Variants in TIGAR observed in about 807,000 individuals in gnomAD.
TIGAR encodes TP53 induced glycolysis regulatory phosphatase, also known as fructose-2,6-bisphosphatase TIGAR.
A neutral mutation model predicts 17.9 loss-of-function variants in TIGAR; 7 were observed. That is an observed-to-expected ratio of 0.39 (90% confidence interval 0.22 to 0.73). TIGAR has a LOEUF of 0.73. Ranked by LOEUF, TIGAR falls within the 30% of genes least tolerant of loss-of-function variation. The pLI, the probability that TIGAR is intolerant of heterozygous loss-of-function variation, is 0.42. For synonymous variants in TIGAR, 94 were observed against 108.6 expected, an observed-to-expected ratio of 0.87 and a Z score of 0.84; for missense variants, 258 against 327.4, an observed-to-expected ratio of 0.79 and a Z score of 1.64.
At chr12:4,332,690 GT>G (rs1374827560) in intron 2 of TIGAR, among the ~76,000 whole-genome samples, 1 of 152,146 alleles carries the variant, frequency 6.6e-6, no homozygotes, top group Non-Finnish European at 1.5e-5. Context: ...TGTCAGTATG[GT>G]TTATTTGATG....
chr12:4,324,438 C>T, intron 1 of TIGAR: 1 of 1,522,962 alleles, frequency 6.6e-7, no homozygotes, highest in Non-Finnish European at 9.1e-7. Flanking sequence ...GCTTCACCAG[C>T]TTATAGGTGA....
At chr12:4,344,506 G>C (rs138216166) in intron 3 of TIGAR, among the ~76,000 whole-genome samples, 1 of 152,084 alleles carries the variant, frequency 6.6e-6, no homozygotes, top group Non-Finnish European at 1.5e-5. Context: ...ATCCAGCAGC[G>C]CAACAAAAAG....
At chr12:4,343,375 A>C (rs1591663882) in intron 3 of TIGAR, among the ~76,000 whole-genome samples, 2 of 152,326 alleles carry the variant, frequency 1.3e-5, no homozygotes, top group South Asian at 2.1e-4. Flanking sequence ...ACTCTGCACC[A>C]AGCACACCTA....
In TIGAR at chr12:4,329,170, T is replaced by C. The variant is rs569278203; in HGVS notation, c.33-2110T>C. Among the ~76,000 whole-genome samples, 12 of 152,272 alleles carry C rather than the reference T, an allele frequency of 7.9e-5. No homozygotes were observed. In the East Asian group the frequency reaches 2.3e-3, roughly 29 times the overall value. On this transcript the variant is annotated intron_variant, in intron 1 of 5. Transcript: ENST00000179259. ...TATCTTTACATATAATCTCTCTCTT[T>C]AAAGGACACATTTACATAGGATTCC... is the stretch of plus-strand genomic sequence containing the variant.
Position 4,321,978 on chromosome 12 carries a change from G to A in TIGAR, c.32+675G>A, listed in dbSNP as rs149936596. On this transcript the variant is annotated intron_variant, in intron 1 of 5. Coordinates refer to ENST00000179259, the MANE Select transcript of TIGAR (RefSeq NM_020375.3). This position sits in a 1 kb window ranked among gnomAD's most constrained non-coding sequence, Gnocchi z 5.2. ...GGGAGGTGAAAATCAGGGTAGTTAA[G>A]AGCACAGATTTTTATTTTTATTTTT... is the stretch of plus-strand genomic sequence containing the variant. 0.01 allele frequency among the ~76,000 whole-genome samples: 1,534 copies of A among 149,162 alleles called. 17 individuals carry two copies. The highest frequency in any genetic ancestry group is 0.018 in the Middle Eastern group (5 of 284).
At chr12:4,331,436 A>C in intron 2 of TIGAR, 119 bp downstream of exon 2, 1 of 911,900 alleles carries the variant, frequency 1.1e-6, no homozygotes, top group Non-Finnish European at 1.8e-6. Context: ...AATTGGGATT[A>C]CAGAATCAAA....
intron 1 of TIGAR, among the ~76,000 whole-genome samples, chr12:4,322,474 T>C (rs372182295): frequency 1.2e-4 from 19 of 152,338 alleles, no homozygotes; most frequent in Middle Eastern, 3.4e-3. Flanking sequence ...GAAAGAAATA[T>C]ATCTGAGAAA....
Position 4,321,293 on chromosome 12 carries a change from G to T in TIGAR, c.22G>T (p.Val8Phe), listed in dbSNP as rs754789818. The change falls in exon 1 of 6, where the codon GTT becomes TTT. Residue 8 changes from valine to phenylalanine, a missense_variant. Transcript: ENST00000179259. This position sits in a 1 kb window ranked among gnomAD's most constrained non-coding sequence, Gnocchi z 5.2. MARFALT[V>F]VRHGETRFNK... ...GAACATGGCTCGCTTCGCTCTGACTGTTGTCCGGCAGTGAGTATGGCTGTG... is the reference window on the plus strand; with the variant it reads ...GAACATGGCTCGCTTCGCTCTGACTTTTGTCCGGCAGTGAGTATGGCTGTG... The T allele has an allele frequency of 1.2e-6, 2 of 1,601,294 alleles. No homozygotes were observed. Among genetic ancestry groups the T allele is most frequent in the Non-Finnish European group, 1.7e-6 (2 of 1,179,848 alleles).
At position 4,358,287 on chromosome 12, in the gene TIGAR, C is replaced by CAAAAAAA. The variant is rs1203284222; in HGVS notation, c.*5605_*5611dup. On this transcript the variant is annotated 3_prime_UTR_variant, in exon 6 of 6. Transcript: ENST00000179259. ...AATACAAAAATTAGCTGGGCGTCTC[C>CAAAAAAA]AAAAAAAAAAAAAAAGAAAAAGAAA... Among the ~76,000 whole-genome samples the CAAAAAAA allele has an allele frequency of 9.1e-6, 1 of 109,666 alleles. No homozygotes were observed. Among genetic ancestry groups the CAAAAAAA allele is most frequent in the African/African-American group, 3.1e-5 (1 of 32,460 alleles). The allele number at this position is 109,666 out of a possible 152,430, so 71.9% of individuals were successfully genotyped here. A position where few individuals can be genotyped will look rare whatever the true frequency, so the allele number is the denominator to read the frequency against.
At position 4,359,690 on chromosome 12, in the gene TIGAR, A is replaced by G. The variant is rs983914594; in HGVS notation, c.*6999A>G. 6.6e-6 allele frequency among the ~76,000 whole-genome samples: 1 copy of G among 152,128 alleles called. No homozygotes were observed. The highest frequency in any genetic ancestry group is 2.4e-5 in the African/African-American group (1 of 41,428). The stretch of plus-strand genomic sequence containing the variant: ...TTTTTACAAGTCTTTTTGCGGACGT[A>G]TGTTTTCATTTCTCTTGGGTAAATA... On this transcript the variant is annotated 3_prime_UTR_variant, in exon 6 of 6. Transcript: ENST00000179259.
At chr12:4,336,775 G>T (rs1249401477) in intron 2 of TIGAR, among the ~76,000 whole-genome samples, 1 of 152,124 alleles carries the variant, frequency 6.6e-6, no homozygotes, top group Non-Finnish European at 1.5e-5. Flanking sequence ...ATAAAAGAGG[G>T]AAAAGCTAAG....
At chr12:4,349,490 T>A (rs754611384) in intron 3 of TIGAR, among the ~76,000 whole-genome samples, 1 of 151,962 alleles carries the variant, frequency 6.6e-6, no homozygotes, top group Non-Finnish European at 1.5e-5. Flanking sequence ...CAATCTCAGC[T>A]CACTGCAACC....
intron 4 of TIGAR, among the ~76,000 whole-genome samples, chr12:4,350,983 C>G (rs893630550): frequency 2.0e-5 from 3 of 152,084 alleles, no homozygotes; most frequent in African/African-American, 7.2e-5. Context: ...GTGCAAATCT[C>G]TGTATTTGTT....
intron 3 of TIGAR, among the ~76,000 whole-genome samples, chr12:4,338,756 T>C (rs1180246664): frequency 1.3e-5 from 2 of 151,788 alleles, no homozygotes; most frequent in Non-Finnish European, 2.9e-5. Flanking sequence ...GATGGGAGGA[T>C]TGCCTGAGCT....
At chr12:4,325,306 T>G (rs371194000) in intron 1 of TIGAR, among the ~76,000 whole-genome samples, 9 of 152,310 alleles carry the variant, frequency 5.9e-5, no homozygotes, top group African/African-American at 2.2e-4. Flanking sequence ...GCAGTTACTT[T>G]TTGTGTAATG....
At chr12:4,331,370 T>G in intron 2 of TIGAR, 53 bp downstream of exon 2, 4 of 1,564,484 alleles carry the variant, frequency 2.6e-6, no homozygotes, top group Non-Finnish European at 3.5e-6. Flanking sequence ...TAATAAGATG[T>G]GTGAGTTAAG....
intron 2 of TIGAR, among the ~76,000 whole-genome samples, chr12:4,334,797 G>A (rs1864641047): frequency 6.6e-6 from 1 of 152,140 alleles, no homozygotes; most frequent in African/African-American, 2.4e-5. Context: ...ATAGCATTCT[G>A]CAGTTTTGGT....
At chr12:4,331,256 G>T (rs373660965) in intron 1 of TIGAR, 24 bp from the exon 2 acceptor site, 16 of 1,599,194 alleles carry the variant, frequency 1.0e-5, no homozygotes, top group Non-Finnish European at 1.3e-5. Context: ...GGCTAATAAG[G>T]TTGTCCTTCT....
In TIGAR at chr12:4,352,997, G is replaced by T. The variant is rs1864854881; in HGVS notation, c.*306G>T. The T allele has an allele frequency of 6.8e-6, 2 of 294,920 alleles. No individual in the cohort carries two copies. Among genetic ancestry groups the T allele is most frequent in the East Asian group, 6.2e-5 (1 of 16,230 alleles). The allele number at this position is 294,920 out of a possible 1,614,324, so 18.3% of individuals were successfully genotyped here. A position where few individuals can be genotyped will look rare whatever the true frequency, so the allele number is the denominator to read the frequency against. On this transcript the variant is annotated 3_prime_UTR_variant, in exon 6 of 6. Coordinates refer to ENST00000179259, the MANE Select transcript of TIGAR (RefSeq NM_020375.3). ...GGGGATTAGTAACCTTGTTACAACG[G>T]TTTCTTTTTCATTTTAGCCTATTTT... is the stretch of plus-strand genomic sequence containing the variant.
Sources: gnomAD v4.1 joint callset for allele counts (sites outside exome capture counted in the v4.1 genomes callset) on GRCh38, gnomAD v4.1.1 for gene constraint, Gnocchi (gnomAD v3.1) non-coding constraint, MANE v1.5 for transcripts, NCBI Gene and HGNC (gene_info 2026-07-23, HGNC 2026-07-21) for gene names.